RIF1: variants seen among roughly 807,000 people sequenced by gnomAD.
RIF1 encodes the protein telomere-associated protein RIF1.
In RIF1, 45 loss-of-function variants were observed where a neutral mutation model predicts 247.1. The observed-to-expected ratio is 0.18, with a 90% confidence interval of 0.14 to 0.23. RIF1 has a LOEUF of 0.23. RIF1 is among the 10% of genes least tolerant of loss of function. RIF1 has a pLI of 1.00. For missense variants in RIF1, 2,967 were observed against 2,862.5 expected (o/e 1.04, Z -0.83); for synonymous variants, 1,087 against 978.8 (o/e 1.11, Z -2.06).
Position 151,465,458 on chromosome 2 carries a change from A to G in RIF1, c.5938A>G (p.Thr1980Ala), listed in dbSNP as rs777160145. Reference sequence around the variant, plus strand: ...AGATATTAGTCTTTCTGATAATACTACACCTGTAAAATTGAATGCTCAAAC... The same window carrying G: ...AGATATTAGTCTTTCTGATAATACTGCACCTGTAAAATTGAATGCTCAAAC... ...NSDISLSDNT[T>A]PVKLNAQTEI... Residue 1980 changes from threonine (T) to alanine (A), a missense_variant, in exon 30 of 36, where the codon ACA (threonine) becomes GCA (alanine). Thr to Ala is a moderately conservative substitution (Grantham distance 58, BLOSUM62 0). This residue lies in a region of RIF1 where 2,028 missense variants were observed against 1,825.6 expected (regional missense o/e 1.11). Coordinates refer to ENST00000444746, the MANE Select transcript of RIF1 (RefSeq NM_018151.5). 2 of 1,614,094 alleles carry G rather than the reference A, an allele frequency of 1.2e-6. No homozygotes were observed. The highest frequency in any genetic ancestry group is 1.7e-6 in the Non-Finnish European group (2 of 1,179,988).
chr2:151,485,982 C>G, downstream of RIF1: 1 of 1,557,594 alleles, frequency 6.4e-7, no homozygotes, highest in African/African-American at 1.4e-5. Context: ...GGATTTGCAA[C>G]AGTTAACACA....
At chr2:151,467,960 CTT>C (rs779019876) in intron 30 of RIF1, 38 bp from the exon 31 acceptor site, 6 of 1,550,536 alleles carry the variant, frequency 3.9e-6, no homozygotes, top group Admixed American at 2.1e-5. Context: ...TTTTTAAAAA[CTT>C]TAATTTTGTT....
chr2:151,498,760 A>G (rs1345672527), intron 10 of RIF1, among the ~76,000 whole-genome samples: 1 of 152,192 alleles, frequency 6.6e-6, no homozygotes, highest in Non-Finnish European at 1.5e-5. Flanking sequence ...AACATTGTGT[A>G]TATGGAGACA....
chr2:151,528,451 C>T, the RIF1 span, among the ~76,000 whole-genome samples: 8 of 152,032 alleles, frequency 5.3e-5, no homozygotes, highest in Non-Finnish European at 7.4e-5. Context: ...AGAGAATACC[C>T]ATACAACCTG....
intron 10 of RIF1, chr2:151,499,223 G>C (rs1034050803): frequency 3.8e-6 from 3 of 799,236 alleles, no homozygotes; most frequent in East Asian, 2.9e-5. Context: ...GAGTTGATTA[G>C]ATTTTTAAAA....
intron 9 of RIF1, chr2:151,491,796 C>T: frequency 6.5e-7 from 1 of 1,546,120 alleles, no homozygotes; most frequent in Non-Finnish European, 8.8e-7. Flanking sequence ...AACCAGTGAT[C>T]AGAACAAGTG....
rs936474447 is a variant in RIF1, at chr2:151,437,299, A to G, written c.1431A>G (p.Thr477=). The part of the protein sequence containing the change: ...SPSFFSKHAN[T]LITAVHDSFV... Reference sequence around the variant, plus strand: ...CCTTTTTTTCCAAACATGCAAATACACTTATCACTGCTGTTCATGATAGCT... The same window carrying G: ...CCTTTTTTTCCAAACATGCAAATACGCTTATCACTGCTGTTCATGATAGCT... The change falls in exon 13 of 36, where the codon ACA becomes ACG. Residue 477 remains threonine (T), a synonymous_variant. Coordinates refer to ENST00000444746, the MANE Select transcript of RIF1 (RefSeq NM_018151.5). 6.2e-7 allele frequency: 1 copy of G among 1,614,042 alleles called. No individual in the cohort carries two copies.
intron 9 of RIF1, chr2:151,490,595 TCA>T: frequency 6.7e-7 from 1 of 1,500,802 alleles, no homozygotes; most frequent in Non-Finnish European, 9.1e-7. Context: ...TGATTGAATC[TCA>T]GTTATTGTTA....
chr2:151,420,684 A>G (rs1243743033), intron 7 of RIF1, among the ~76,000 whole-genome samples: 3 of 148,094 alleles, frequency 2.0e-5, no homozygotes, highest in East Asian at 2.0e-4. Flanking sequence ...GCAGTGAGCT[A>G]TGATCTCACC....
intron 24 of RIF1, among the ~76,000 whole-genome samples, chr2:151,458,408 A>C (rs1695586725): frequency 6.6e-6 from 1 of 151,516 alleles, no homozygotes; most frequent in Admixed American, 6.6e-5. Context: ...AATTTTTTGT[A>C]TTTTTAGTAG....
intron 8 of RIF1, chr2:151,423,620 G>A (rs146552990): frequency 6.6e-6 from 1 of 152,366 alleles, no homozygotes; most frequent in African/African-American, 2.4e-5. Context: ...GCTGACAAAA[G>A]TGTTGTGTCC....
chr2:151,448,557 C>T (rs1029144708), intron 20 of RIF1, among the ~76,000 whole-genome samples: 2 of 152,142 alleles, frequency 1.3e-5, no homozygotes, highest in African/African-American at 4.8e-5. Context: ...TCTTGTCACT[C>T]TTGAAGTATT....
At chr2:151,415,563 CAA>C (rs3040729) in intron 4 of RIF1, among the ~76,000 whole-genome samples, 87 of 44,870 alleles carry the variant, frequency 1.9e-3, no homozygotes, top group African/African-American at 4.9e-3. Flanking sequence ...GACTCTGTCT[CAA>C]AAAAAAAAAA....
At chr2:151,445,466 G>C in intron 19 of RIF1, 21 bp downstream of exon 19, 1 of 1,110,604 alleles carries the variant, frequency 9.0e-7, no homozygotes. Context: ...GTCAAGTATT[G>C]ATTTCCGAGG....
At chr2:151,531,657 A>G in the RIF1 span, 1 of 705,280 alleles carries the variant, frequency 1.4e-6, no homozygotes, top group African/African-American at 1.8e-5. Context: ...TGTGCATAAC[A>G]GGACATCTCG....
intron 10 of RIF1, among the ~76,000 whole-genome samples, chr2:151,495,940 C>T (rs958053315): frequency 1.3e-5 from 2 of 152,098 alleles, no homozygotes; most frequent in African/African-American, 2.4e-5. Flanking sequence ...GGACCTACTC[C>T]ACCACCCCAC....
intron 7 of RIF1, among the ~76,000 whole-genome samples, chr2:151,422,077 G>A (rs1337971634): frequency 3.3e-5 from 5 of 151,922 alleles, no homozygotes; most frequent in Admixed American, 2.0e-4. Flanking sequence ...TGATCCGCCC[G>A]CCTCGGCCTC....
At chr2:151,431,589 A>AC (rs1234724129) in intron 9 of RIF1, among the ~76,000 whole-genome samples, 1 of 152,130 alleles carries the variant, frequency 6.6e-6, no homozygotes, top group Non-Finnish European at 1.5e-5. Flanking sequence ...CGAGTTAGAG[A>AC]CCAGCCTGAC....
Position 151,465,106 on chromosome 2 carries a change from T to A in RIF1, c.5586T>A (p.Val1862=). ...CACCTAATGAAAATTTTAAAACTGT[T>A]GGCCCGTGTTTAGGAGACTCGAAAA... The part of the protein sequence containing the change: ...QESPNENFKT[V]GPCLGDSKNV... Residue 1862 remains valine, a synonymous_variant, in exon 30 of 36, where the codon GTT becomes GTA. Transcript: ENST00000444746. 6.2e-7 allele frequency: 1 copy of A among 1,608,944 alleles called. No homozygotes were observed. The highest frequency in any genetic ancestry group is 8.5e-7 in the Non-Finnish European group (1 of 1,178,888).
Sources: allele counts gnomAD v4.1 joint callset (sites outside exome capture counted in the v4.1 genomes callset), GRCh38; gene constraint gnomAD v4.1.1; regional missense constraint gnomAD v4.1.1; transcripts MANE v1.5; gene names NCBI Gene and HGNC (gene_info 2026-07-23, HGNC 2026-07-21).